The following TENM2 variants were observed in gnomAD, a reference collection of about 807,000 sequenced individuals.
TENM2 encodes the protein teneurin-2.
A neutral mutation model predicts 245.2 loss-of-function variants in TENM2; 52 were observed. That is an observed-to-expected ratio of 0.21 (90% CI 0.17 to 0.27). TENM2 has a LOEUF of 0.27. Among genes scored for constraint, TENM2 ranks in the 10% least tolerant of loss-of-function variants. TENM2 has a pLI of 1.00. For synonymous variants in TENM2, 1,363 were observed against 1,438.9 expected (o/e 0.95, Z 1.19); for missense variants, 3,046 against 3,666.8 (o/e 0.83, Z 4.37).
chr5:167,536,432 A>G (rs1771852786), intron 2 of TENM2, among the ~76,000 whole-genome samples: 1 of 151,164 alleles, frequency 6.6e-6, no homozygotes, highest in Non-Finnish European at 1.5e-5. Flanking sequence ...TGTGAGCCAT[A>G]ATCTCTCTTC....
At chr5:167,705,477 T>C (rs1273019370) in intron 2 of TENM2, among the ~76,000 whole-genome samples, 1 of 152,182 alleles carries the variant, frequency 6.6e-6, no homozygotes, top group Non-Finnish European at 1.5e-5. Flanking sequence ...CCTGTGGCTG[T>C]ATTATTGGAC....
At chr5:168,165,550 C>A (rs566393238) in intron 13 of TENM2, among the ~76,000 whole-genome samples, 1 of 149,976 alleles carries the variant, frequency 6.7e-6, no homozygotes, top group Non-Finnish European at 1.5e-5. Flanking sequence ...TTCCACCCGG[C>A]CAAAACCAAA....
chr5:167,268,332 A>G, the TENM2 span, among the ~76,000 whole-genome samples: 1 of 152,202 alleles, frequency 6.6e-6, no homozygotes, highest in Admixed American at 6.5e-5. Context: ...GAGCAGTTAA[A>G]TCCAAATGCA....
At chr5:168,063,927 C>A (rs887003337) in intron 7 of TENM2, among the ~76,000 whole-genome samples, 1 of 152,062 alleles carries the variant, frequency 6.6e-6, no homozygotes, top group African/African-American at 2.4e-5. Context: ...CTATAGGGAC[C>A]AATATGTAAT....
intron 2 of TENM2, among the ~76,000 whole-genome samples, chr5:167,771,741 A>G (rs1404472769): frequency 6.6e-6 from 1 of 152,220 alleles, no homozygotes; most frequent in Non-Finnish European, 1.5e-5. Flanking sequence ...GGGGGCAGCC[A>G]TTACACAGAT....
chr5:168,184,834 T>C (rs772230611), intron 13 of TENM2, among the ~76,000 whole-genome samples: 1 of 152,164 alleles, frequency 6.6e-6, no homozygotes, highest in Non-Finnish European at 1.5e-5. Context: ...AGTTAGGAGC[T>C]CCTTTTAAAA....
the TENM2 span, among the ~76,000 whole-genome samples, chr5:167,152,452 G>A: frequency 1.3e-5 from 2 of 152,016 alleles, no homozygotes; most frequent in Non-Finnish European, 2.9e-5. Flanking sequence ...TTCAACATTC[G>A]GTTTTATGGG....
chr5:168,114,134 T>C (rs1018314304), intron 9 of TENM2, among the ~76,000 whole-genome samples: 8 of 152,212 alleles, frequency 5.3e-5, no homozygotes, highest in African/African-American at 1.9e-4. Flanking sequence ...GAGCATCTCT[T>C]AATTTGCCTA....
chr5:167,640,866 T>TCC (rs1356769301), intron 2 of TENM2, among the ~76,000 whole-genome samples: 5 of 28,256 alleles, frequency 1.8e-4, no homozygotes, highest in African/African-American at 1.7e-3. Context: ...TATCCATATA[T>TCC]ATATATATAT....
chr5:166,997,941 G>C, the TENM2 span, among the ~76,000 whole-genome samples: 1 of 152,158 alleles, frequency 6.6e-6, no homozygotes, highest in East Asian at 1.9e-4. Flanking sequence ...TAAGGACTTT[G>C]AAACTAGAGG....
chr5:167,688,963 A>G, intron 2 of TENM2, among the ~76,000 whole-genome samples: 1 of 152,160 alleles, frequency 6.6e-6, no homozygotes, highest in Non-Finnish European at 1.5e-5. Flanking sequence ...CTTTTCCATT[A>G]TAAGCAACGG....
At chr5:167,134,443 C>T in the TENM2 span, among the ~76,000 whole-genome samples, 1 of 151,958 alleles carries the variant, frequency 6.6e-6, no homozygotes, top group Non-Finnish European at 1.5e-5. Flanking sequence ...TCTAACTAGG[C>T]GATTGTTTGT....
chr5:167,866,967 G>A (rs770645389), intron 2 of TENM2, among the ~76,000 whole-genome samples: 34 of 152,184 alleles, frequency 2.2e-4, no homozygotes, highest in East Asian at 3.8e-4. Context: ...TGTAGAACAC[G>A]CCCATCATCA....
intron 27 of TENM2, among the ~76,000 whole-genome samples, chr5:168,252,928 A>G (rs965090385): frequency 6.6e-6 from 1 of 151,472 alleles, no homozygotes; most frequent in Admixed American, 6.6e-5. Flanking sequence ...TTAGACAAAT[A>G]TCTCAACCCT....
chr5:167,869,559 T>C (rs73370987), intron 2 of TENM2, among the ~76,000 whole-genome samples: 2,013 of 152,324 alleles, frequency 0.013, 43 homozygotes, highest in African/African-American at 0.045. Flanking sequence ...ATAGATATGC[T>C]TTGGCTTAAC....
the TENM2 span, among the ~76,000 whole-genome samples, chr5:167,178,027 T>A: frequency 6.6e-6 from 1 of 152,114 alleles, no homozygotes; most frequent in Non-Finnish European, 1.5e-5. Context: ...AACCATAGAG[T>A]TGTAATTTTA....
At chr5:167,246,723 C>A in the TENM2 span, among the ~76,000 whole-genome samples, 1 of 152,020 alleles carries the variant, frequency 6.6e-6, no homozygotes, top group Non-Finnish European at 1.5e-5. Flanking sequence ...GAGAATTCTT[C>A]TGCTTGCCCA....
intron 6 of TENM2, among the ~76,000 whole-genome samples, chr5:168,051,659 A>G (rs1789098485): frequency 6.6e-6 from 1 of 152,160 alleles, no homozygotes; most frequent in South Asian, 2.1e-4. Context: ...ACTATAATAT[A>G]GGATTTTGGA....
At chr5:168,193,070 TGCCA>T (rs1214653173) in intron 14 of TENM2, among the ~76,000 whole-genome samples, 1 of 152,206 alleles carries the variant, frequency 6.6e-6, no homozygotes. Context: ...TGGTAGACTA[TGCCA>T]GCCCAGGAGA....
Sources: gnomAD v4.1 joint callset for allele counts (sites outside exome capture counted in the v4.1 genomes callset) on GRCh38, gnomAD v4.1.1 for gene constraint, MANE v1.5 for transcripts, NCBI Gene and HGNC (gene_info 2026-07-23, HGNC 2026-07-21) for gene names.